Variants in BCORL1 observed in about 807,000 individuals in gnomAD.
BCORL1 encodes BCL-6 corepressor-like protein 1.
BCORL1 carries 7 observed loss-of-function variants against 87.6 expected under a neutral mutation model. That is an observed-to-expected ratio of 0.08 (90% CI 0.05 to 0.15). The LOEUF is 0.15. Ranked by LOEUF, BCORL1 falls within the 10% of genes least tolerant of loss-of-function variation. The probability of loss-of-function intolerance (pLI) is 1.00; values close to 1 mark genes in which losing one functional copy is unlikely to be tolerated. For missense variants in BCORL1, 1,215 were observed against 1,499.7 expected, an observed-to-expected ratio of 0.81 and a Z score of 3.13; for synonymous variants, 591 against 634.4, an observed-to-expected ratio of 0.93 and a Z score of 1.03.
chrX:130,038,683 T>C (rs753890020), intron 10 of BCORL1, among the ~76,000 whole-genome samples: 23 of 111,432 alleles, frequency 2.1e-4, no homozygotes, highest in Non-Finnish European at 4.1e-4. Flanking sequence ...GGCTTCACCA[T>C]GTTGGCCAGG....
chrX:129,993,557 G>A (rs1226132675), intron 1 of BCORL1, among the ~76,000 whole-genome samples: 2 of 110,963 alleles, frequency 1.8e-5, no homozygotes, highest in African/African-American at 6.6e-5. Context: ...GTATGGTGGT[G>A]CACACCTGTG....
In BCORL1 at chrX:130,039,133, A is replaced by C. The variant is rs1404655154; in HGVS notation, c.4695-4A>C. On this transcript the variant is annotated splice_region_variant and splice_polypyrimidine_tract_variant and intron_variant, in intron 10 of 13. Coordinates refer to ENST00000540052, the MANE Select transcript of BCORL1 (RefSeq NM_001379451.1). ...GTTATCCTCACCCTGTATCACCTCC[A>C]CAGGCCAGTTCATGATGCGGTGGTC... The C allele has an allele frequency of 3.3e-6, 4 of 1,211,174 alleles. No individual in the cohort carries two copies. Among genetic ancestry groups the C allele is most frequent in the Middle Eastern group, 2.3e-4 (1 of 4,324 alleles).
At chrX:130,008,264 A>ATT (rs372463348) in intron 2 of BCORL1, among the ~76,000 whole-genome samples, 14 of 94,232 alleles carry the variant, frequency 1.5e-4, no homozygotes, top group African/African-American at 3.5e-4. Context: ...TTAAGAGGAC[A>ATT]TTTTTTTTTT....
chrX:130,013,206 A>G lies in BCORL1; in HGVS notation c.434A>G (p.Asn145Ser), dbSNP rs368561000. Residue 145 changes from asparagine to serine, a missense_variant, in exon 4 of 14, where the codon AAC (asparagine) becomes AGC (serine). Physicochemically the swap from Asn to Ser is conservative, Grantham distance 46 (BLOSUM62 1). Coordinates refer to ENST00000540052, the MANE Select transcript of BCORL1 (RefSeq NM_001379451.1). The part of the protein sequence containing the change: ...SRADCSWTPL[N>S]TQMSKQVDCS... ...GCCGACTGCTCCTGGACTCCACTCA[A>G]CACCCAAATGAGCAAACAGGTTGAC... 8.3e-7 allele frequency: 1 copy of G among 1,210,493 alleles called. No homozygotes were observed. Among genetic ancestry groups the G allele is most frequent in the Non-Finnish European group, 1.1e-6 (1 of 895,314 alleles).
intron 1 of BCORL1, among the ~76,000 whole-genome samples, chrX:129,990,210 C>T (rs1172384198): frequency 9.0e-6 from 1 of 111,330 alleles, no homozygotes; most frequent in African/African-American, 3.3e-5. Flanking sequence ...ATAAATGGGA[C>T]CTATTATTTT....
At chrX:130,041,359 C>T (rs777643303) in intron 11 of BCORL1, among the ~76,000 whole-genome samples, 26 of 108,611 alleles carry the variant, frequency 2.4e-4, no homozygotes, top group African/African-American at 8.0e-4. Context: ...CTCATCCCAA[C>T]TACTAGCTAT....
At chrX:129,989,353 A>G (rs770462772) in intron 1 of BCORL1, among the ~76,000 whole-genome samples, 58 of 72,312 alleles carry the variant, frequency 8.0e-4, no homozygotes, top group Non-Finnish European at 1.2e-3. Flanking sequence ...TCACCGTGTT[A>G]GCCAGGATGG....
intron 1 of BCORL1, among the ~76,000 whole-genome samples, chrX:130,004,108 G>C (rs1041724010): frequency 7.2e-5 from 8 of 111,107 alleles, no homozygotes; most frequent in African/African-American, 2.6e-4. Flanking sequence ...TTTTCTTGGT[G>C]CCTCATTTTT....
chrX:129,998,003 A>G (rs1927699025), intron 1 of BCORL1, among the ~76,000 whole-genome samples: 1 of 103,443 alleles, frequency 9.7e-6, no homozygotes, highest in Non-Finnish European at 2.0e-5. Flanking sequence ...ATATATATAT[A>G]TATGTATTTT....
intron 1 of BCORL1, among the ~76,000 whole-genome samples, chrX:129,988,162 T>C (rs770942520): frequency 1.7e-4 from 19 of 112,067 alleles, no homozygotes; most frequent in African/African-American, 5.8e-4. Flanking sequence ...GTACAGTATT[T>C]GATATAATTT....
intron 12 of BCORL1, among the ~76,000 whole-genome samples, chrX:130,051,034 TTC>T (rs1351507872): frequency 9.0e-6 from 1 of 111,576 alleles, no homozygotes; most frequent in Non-Finnish European, 1.9e-5. Flanking sequence ...ATTTAAAAAA[TTC>T]TCTTTCTTCC....
chrX:130,026,042 G>A (rs1362685771), intron 7 of BCORL1, among the ~76,000 whole-genome samples: 1 of 111,580 alleles, frequency 9.0e-6, no homozygotes, highest in Non-Finnish European at 1.9e-5. Context: ...CCATTCCGGA[G>A]GCACAGACTG....
At chrX:129,994,546 A>G (rs1031295224) in intron 1 of BCORL1, among the ~76,000 whole-genome samples, 1 of 87,724 alleles carries the variant, frequency 1.1e-5, no homozygotes, top group African/African-American at 4.3e-5. Context: ...AACTACATTC[A>G]TTTGAATGAT....
At position 130,034,605 on chromosome X, in the gene BCORL1, G is replaced by T. The variant is rs1017225460; in HGVS notation, c.4456G>T (p.Ala1486Ser). The part of the protein sequence containing the change: ...SPTARQIPPE[A>S]RRLIVNKNAG... ...TACAGCCCGGCAGATCCCCCCAGAGGCACGTCGGCTCATAGTGAACAAAAA... is the reference window on the plus strand; with the variant it reads ...TACAGCCCGGCAGATCCCCCCAGAGTCACGTCGGCTCATAGTGAACAAAAA... Residue 1486 changes from alanine (A) to serine (S), a missense_variant, in exon 9 of 14, where the codon GCA becomes TCA. Ala to Ser is a moderately conservative substitution (Grantham distance 99). Around this residue, in one of 5 missense-constraint regions of BCORL1, gnomAD observed 55 missense variants for 115.1 expected, o/e 0.48. Transcript: ENST00000540052. 1.0e-6 allele frequency: 1 copy of T among 981,396 alleles called. No individual in the cohort carries two copies. The highest frequency in any genetic ancestry group is 1.3e-6 in the Non-Finnish European group (1 of 755,900). The allele number at this position is 981,396 out of a possible 1,213,427, so 80.9% of individuals were successfully genotyped here.
intron 11 of BCORL1, among the ~76,000 whole-genome samples, chrX:130,044,022 C>T (rs778422783): frequency 1.9e-4 from 20 of 105,249 alleles, no homozygotes; most frequent in Admixed American, 3.1e-4. Flanking sequence ...CCGCTCGCCT[C>T]GGCCTCCCAA....
rs1485625067 is a variant in BCORL1, at chrX:130,014,231, G to A, written c.1459G>A (p.Asp487Asn). ...CCCTGTCCTGCCGTCCTACCTGCAG[G>A]ACAGGTGTCTCCCAGGCGTGCTAGC... ...TLPVLPSYLQ[D>N]RCLPGVLASP... The change falls in exon 4 of 14, where the codon GAC becomes AAC. Residue 487 changes from aspartate to asparagine, a missense_variant. By Grantham distance (23) the Asp-to-Asn change is conservative. Coordinates refer to ENST00000540052, the MANE Select transcript of BCORL1 (RefSeq NM_001379451.1). The A allele has an allele frequency of 8.3e-7, 1 of 1,210,968 alleles. No individual in the cohort carries two copies. The highest frequency in any genetic ancestry group is 1.1e-6 in the Non-Finnish European group (1 of 895,282).
At chrX:129,984,349 G>C (rs1480687983) in intron 1 of BCORL1, among the ~76,000 whole-genome samples, 2 of 107,125 alleles carry the variant, frequency 1.9e-5, no homozygotes, top group African/African-American at 3.4e-5. Flanking sequence ...CAGGCGGGGG[G>C]GTGGAGCCCC....
chrX:130,025,073 G>T lies in BCORL1; in HGVS notation c.3772G>T (p.Val1258Leu). Residue 1258 changes from valine to leucine, a missense_variant, in exon 7 of 14, where the codon GTA becomes TTA. Val to Leu is a conservative substitution (Grantham distance 32). Coordinates refer to ENST00000540052, the MANE Select transcript of BCORL1 (RefSeq NM_001379451.1). ...CTTCCCCACAGAAGAAGAAGAGGAG[G>T]TAACCCCCACCCCAGCTAAGCGTCG... ...EVFPTEEEEE[V>L]TPTPAKRRKV... is the part of the protein sequence containing the mutation. The T allele has an allele frequency of 8.3e-7, 1 of 1,211,950 alleles. No homozygotes were observed. The highest frequency in any genetic ancestry group is 1.1e-6 in the Non-Finnish European group (1 of 895,548).
At chrX:130,009,465 GA>G (rs58485210) in intron 2 of BCORL1, among the ~76,000 whole-genome samples, 1,754 of 50,893 alleles carry the variant, frequency 0.034, 16 homozygotes, top group Middle Eastern at 0.088. Context: ...CTAAAAGAAA[GA>G]AAAAAAAAAA....
Sources: allele counts gnomAD v4.1 joint callset (sites outside exome capture counted in the v4.1 genomes callset), GRCh38; gene constraint gnomAD v4.1.1; regional missense constraint gnomAD v4.1.1; transcripts MANE v1.5; gene names NCBI Gene and HGNC (gene_info 2026-07-23, HGNC 2026-07-21).